The following SDHA variants were observed in gnomAD, a reference collection of about 807,000 sequenced individuals.
SDHA encodes the protein succinate dehydrogenase complex flavoprotein subunit A, also known as succinate dehydrogenase [ubiquinone] flavoprotein subunit, mitochondrial.
Under a neutral mutation model 78.4 loss-of-function variants are expected in SDHA, and 48 were observed. The ratio of observed to expected loss-of-function variants is 0.61; its 90% CI spans 0.49 to 0.78. The LOEUF (loss-of-function observed/expected upper bound fraction) is 0.78, where lower values mean the gene tolerates loss of function less well. Ranked by LOEUF, SDHA falls within the 30% of genes least tolerant of loss-of-function variation. The pLI is 0.00. For synonymous variants in SDHA, 326 were observed against 353.9 expected (o/e 0.92, Z 0.88); for missense variants, 680 against 892.7 (o/e 0.76, Z 3.04).
intron 7 of SDHA, 63 bp from the exon 8 acceptor site, chr5:233,414 A>G (rs1735537779): frequency 2.5e-6 from 4 of 1,572,588 alleles, no homozygotes; most frequent in East Asian, 2.2e-5. Flanking sequence ...CTTGAAAAAA[A>G]TAATGCATTT....
intron 10 of SDHA, among the ~76,000 whole-genome samples, chr5:239,482 C>A (rs535108056): frequency 1.8e-4 from 27 of 151,716 alleles, no homozygotes; most frequent in South Asian, 4.2e-4. Context: ...TGCTTGAACC[C>A]GGAGATGGAG....
At chr5:235,772 A>G in intron 9 of SDHA, 1 of 314,068 alleles carries the variant, frequency 3.2e-6, no homozygotes, top group Non-Finnish European at 6.2e-6. Flanking sequence ...ACAGTCTGGA[A>G]CATCAGTCTC....
intron 5 of SDHA, among the ~76,000 whole-genome samples, 168 bp downstream of exon 5, chr5:226,215 C>T (rs908237877): frequency 2.0e-5 from 3 of 152,204 alleles, no homozygotes; most frequent in Non-Finnish European, 4.4e-5. Flanking sequence ...CAGGACCAGA[C>T]GTGTGCCTTG....
At chr5:221,021 G>A (rs983025832) in intron 1 of SDHA, among the ~76,000 whole-genome samples, 1 of 152,028 alleles carries the variant, frequency 6.6e-6, no homozygotes, top group African/African-American at 2.4e-5. Context: ...CACCATGTTA[G>A]CCAGAATGGT....
chr5:228,000 C>T, intron 5 of SDHA, 185 bp from the exon 6 acceptor site: 1 of 640,196 alleles, frequency 1.6e-6, no homozygotes, highest in South Asian at 1.7e-5. Context: ...CCTGCCTTGT[C>T]TGTACTGCTC....
downstream of SDHA, among the ~76,000 whole-genome samples, chr5:258,229 C>T (rs1336377584): frequency 1.6e-5 from 2 of 127,442 alleles, no homozygotes; most frequent in East Asian, 2.1e-4. Context: ...CCGTGAGCTC[C>T]GCCCCCTGTC....
At chr5:239,256 C>T (rs183208526) in intron 10 of SDHA, among the ~76,000 whole-genome samples, 24 of 151,542 alleles carry the variant, frequency 1.6e-4, no homozygotes, top group African/African-American at 5.6e-4. Flanking sequence ...TTCAAGACAT[C>T]GTAGAAACAC....
chr5:256,353 C>G lies in SDHA; in HGVS notation c.1928C>G (p.Pro643Arg), dbSNP rs1060503717. 2 of 1,613,580 alleles carry G rather than the reference C, an allele frequency of 1.2e-6. No individual in the cohort carries two copies. Among genetic ancestry groups the G allele is most frequent in the East Asian group, 2.2e-5 (1 of 44,902 alleles). Residue 643 changes from proline to arginine, a missense_variant, in exon 15 of 15, where the codon CCC (proline) becomes CGC (arginine). Pro to Arg is a moderately radical substitution (Grantham distance 103). Coordinates refer to ENST00000264932, the MANE Select transcript of SDHA (RefSeq NM_004168.4). ...GTGKVTLEYRPVIDKTLNEAD... is the reference protein window; with the variant it reads ...GTGKVTLEYRRVIDKTLNEAD... Reference sequence around the variant, plus strand: ...TTCAAGGTCACTCTGGAATATAGACCCGTGATCGACAAAACTTTGAACGAG... The same window carrying G: ...TTCAAGGTCACTCTGGAATATAGACGCGTGATCGACAAAACTTTGAACGAG...
intron 11 of SDHA, among the ~76,000 whole-genome samples, chr5:244,977 G>A (rs1736359319): frequency 6.6e-6 from 1 of 152,202 alleles, no homozygotes; most frequent in African/African-American, 2.4e-5. Context: ...AAAAGTTCCT[G>A]CCAAGGTTTA....
the SDHA span, among the ~76,000 whole-genome samples, chr5:268,238 C>T: frequency 1.3e-5 from 2 of 150,974 alleles, no homozygotes; most frequent in Middle Eastern, 7.0e-3. Context: ...GGCTGGAGTG[C>T]CTGGTGCAAT....
chr5:225,030 G>A (rs981695029), intron 3 of SDHA, among the ~76,000 whole-genome samples: 1 of 152,166 alleles, frequency 6.6e-6, no homozygotes, highest in Admixed American at 6.5e-5. Flanking sequence ...TTTAACACAT[G>A]CCCGTAAATG....
chr5:226,101 T>C, intron 5 of SDHA, 54 bp downstream of exon 5: 1 of 1,599,474 alleles, frequency 6.3e-7, no homozygotes, highest in Non-Finnish European at 8.6e-7. Flanking sequence ...GGGCTTATGG[T>C]GACAGTGGGG....
At chr5:249,357 A>T (rs1438047490) in intron 11 of SDHA, 3 of 201,560 alleles carry the variant, frequency 1.5e-5, no homozygotes, top group Admixed American at 5.6e-5. Context: ...GTGGCCATAA[A>T]CTGTCCCCAA....
chr5:233,969 A>G, intron 8 of SDHA: 1 of 366,656 alleles, frequency 2.7e-6, no homozygotes, highest in Middle Eastern at 8.9e-4. Flanking sequence ...ATACCCACAG[A>G]TGTTTTTTGG....
chr5:229,611 A>T (rs1228844115), intron 6 of SDHA, among the ~76,000 whole-genome samples: 1 of 152,260 alleles, frequency 6.6e-6, no homozygotes, highest in Non-Finnish European at 1.5e-5. Flanking sequence ...GACTGTGGCG[A>T]TGCTGATTAA....
chr5:264,621 G>T, the SDHA span, among the ~76,000 whole-genome samples: 1 of 152,250 alleles, frequency 6.6e-6, no homozygotes, highest in Non-Finnish European at 1.5e-5. Context: ...TTGAGTCTGA[G>T]GAGTGACCTG....
intron 10 of SDHA, among the ~76,000 whole-genome samples, chr5:237,940 C>T (rs1358833872): frequency 7.3e-6 from 1 of 136,216 alleles, no homozygotes; most frequent in Non-Finnish European, 1.5e-5. Flanking sequence ...TCGTTCCTGA[C>T]GCCGCAGGTA....
At chr5:220,815 AT>A (rs753343756) in intron 1 of SDHA, among the ~76,000 whole-genome samples, 148 of 138,894 alleles carry the variant, frequency 1.1e-3, no homozygotes, top group Admixed American at 1.4e-3. Flanking sequence ...TGTGAACTGA[AT>A]TTTTTTTTTT....
rs575277766 is a variant in SDHA at position 245,293 on chromosome 5, A to G, written c.1551+4817A>G. Among the ~76,000 whole-genome samples the G allele has an allele frequency of 2.6e-5, 4 of 152,336 alleles. No individual in the cohort carries two copies. In the South Asian group the frequency reaches 8.3e-4, roughly 32 times the overall value. On this transcript the variant is annotated intron_variant, in intron 11 of 14. Transcript: ENST00000264932. The stretch of plus-strand genomic sequence containing the variant: ...ACAGCCAGGATTGCCTTCTCCTGCT[A>G]TGATTCCAAAAAATTGGCCTTTAAT...
Sources: allele counts gnomAD v4.1 joint callset (sites outside exome capture counted in the v4.1 genomes callset), GRCh38; gene constraint gnomAD v4.1.1; transcripts MANE v1.5; gene names NCBI Gene and HGNC (gene_info 2026-07-23, HGNC 2026-07-21).